ZMYM2: variants seen among roughly 807,000 people sequenced by gnomAD.
The protein encoded by ZMYM2 is zinc finger MYM-type protein 2.
In ZMYM2, 56 loss-of-function variants were observed where a neutral mutation model predicts 162.8. That is an observed-to-expected ratio of 0.34 (90% confidence interval 0.28 to 0.43). The LOEUF is 0.43. Among genes scored for constraint, ZMYM2 ranks in the 20% least tolerant of loss-of-function variants. The pLI, the probability that ZMYM2 is intolerant of heterozygous loss-of-function variation, is 1.00. For missense variants in ZMYM2, 1,275 were observed against 1,621.8 expected (o/e 0.79, Z 3.67); for synonymous variants, 510 against 541.6 (o/e 0.94, Z 0.81).
the ZMYM2 span, among the ~76,000 whole-genome samples, chr13:19,867,954 G>A: frequency 6.6e-6 from 1 of 152,200 alleles, no homozygotes; most frequent in Non-Finnish European, 1.5e-5. Flanking sequence ...AGACTGCTGA[G>A]ATGGCTTGCT....
the ZMYM2 span, among the ~76,000 whole-genome samples, chr13:19,901,629 G>A: frequency 1.9e-4 from 29 of 152,040 alleles, no homozygotes; most frequent in African/African-American, 6.7e-4. Context: ...GATTACAGGC[G>A]TGGTGCCTGG....
At chr13:20,052,982 T>G (rs1955498325) in intron 14 of ZMYM2, among the ~76,000 whole-genome samples, 1 of 152,210 alleles carries the variant, frequency 6.6e-6, no homozygotes, top group African/African-American at 2.4e-5. Flanking sequence ...TGTCCTGGAT[T>G]TTTTTTCCTC....
intron 21 of ZMYM2, among the ~76,000 whole-genome samples, chr13:20,075,082 A>G (rs1957391353): frequency 6.6e-6 from 1 of 152,218 alleles, no homozygotes; most frequent in Non-Finnish European, 1.5e-5. Context: ...CAGTGTAAAG[A>G]TAAGATAACT....
At chr13:19,887,447 C>T in the ZMYM2 span, among the ~76,000 whole-genome samples, 37 of 151,292 alleles carry the variant, frequency 2.4e-4, 1 homozygote, top group Middle Eastern at 3.4e-3. Flanking sequence ...GAGAATCATT[C>T]GAACCCAGGA....
the ZMYM2 span, among the ~76,000 whole-genome samples, chr13:19,889,340 C>G: frequency 6.6e-6 from 1 of 151,870 alleles, no homozygotes; most frequent in Admixed American, 6.6e-5. Context: ...TACTTTTAGA[C>G]AGAGTTTCGT....
chr13:20,069,265 T>C (rs1347620843), intron 21 of ZMYM2, among the ~76,000 whole-genome samples: 2 of 152,152 alleles, frequency 1.3e-5, no homozygotes, highest in East Asian at 1.9e-4. Flanking sequence ...ACTACATTGC[T>C]TGAAACCTTC....
chr13:20,009,900 A>G (rs919368225), intron 6 of ZMYM2, among the ~76,000 whole-genome samples: 2 of 152,190 alleles, frequency 1.3e-5, no homozygotes, highest in African/African-American at 2.4e-5. Flanking sequence ...TGATATAAGT[A>G]TCCTGGTTTT....
In ZMYM2 at chr13:20,087,651, T is replaced by C. The variant is rs1430688751; in HGVS notation, c.*1637T>C. 2 of 184,196 alleles carry C rather than the reference T, an allele frequency of 1.1e-5. No homozygotes were observed. The highest frequency in any genetic ancestry group is 6.2e-5 in the Admixed American group (1 of 16,032). The allele number at this position is 184,196 out of a possible 1,614,324, so 11.4% of individuals were successfully genotyped here. On this transcript the variant is annotated 3_prime_UTR_variant, in exon 25 of 25. Transcript: ENST00000610343. ...TTATTGTATATCTAAGCAATAATTA[T>C]CTGAATGTTTTGGCATAAAAAATTA...
chr13:20,010,938 C>A (rs1391915157), intron 6 of ZMYM2, among the ~76,000 whole-genome samples: 1 of 152,102 alleles, frequency 6.6e-6, no homozygotes, highest in Non-Finnish European at 1.5e-5. Flanking sequence ...TGCGCCTGGC[C>A]CTCTTTTATT....
rs1273191276 is a variant in ZMYM2 at position 20,086,465 on chromosome 13, A to G, written c.*451A>G. On this transcript the variant is annotated 3_prime_UTR_variant, in exon 25 of 25. Coordinates refer to ENST00000610343, the MANE Select transcript of ZMYM2 (RefSeq NM_197968.4). ...ACTTGCAGTGTCTTTCGGAATTTTT[A>G]AAATAAACTGTAAACTAATAGGCTG... 9.0e-6 allele frequency: 2 copies of G among 221,716 alleles called. No individual in the cohort carries two copies. Among genetic ancestry groups the G allele is most frequent in the Non-Finnish European group, 1.8e-5 (2 of 110,646 alleles). The allele number at this position is 221,716 out of a possible 1,614,324, so 13.7% of individuals were successfully genotyped here.
intron 6 of ZMYM2, among the ~76,000 whole-genome samples, chr13:20,012,496 G>C (rs760142893): frequency 2.0e-5 from 3 of 152,146 alleles, no homozygotes; most frequent in Non-Finnish European, 4.4e-5. Context: ...CTTAAATTTT[G>C]ATTTACCCAT....
At chr13:20,024,617 T>C (rs1266037634) in intron 7 of ZMYM2, 1 of 224,232 alleles carries the variant, frequency 4.5e-6, no homozygotes, top group African/African-American at 2.2e-5. Context: ...AAACATTTTA[T>C]ATTCTGTTTC....
intron 6 of ZMYM2, among the ~76,000 whole-genome samples, chr13:20,008,163 T>G (rs1406929103): frequency 6.6e-6 from 1 of 152,216 alleles, no homozygotes; most frequent in East Asian, 1.9e-4. Context: ...AGGGTCTTGC[T>G]CTGTTGCCCA....
intron 24 of ZMYM2, among the ~76,000 whole-genome samples, chr13:20,084,258 G>A (rs188344934): frequency 2.6e-5 from 4 of 152,154 alleles, no homozygotes; most frequent in African/African-American, 7.2e-5. Flanking sequence ...AGCCATCCTC[G>A]TGCCTCAGCC....
the ZMYM2 span, among the ~76,000 whole-genome samples, chr13:19,910,444 A>G: frequency 2.6e-5 from 4 of 152,136 alleles, no homozygotes; most frequent in African/African-American, 9.7e-5. Flanking sequence ...AAGCTTAGAA[A>G]GATTGGAATG....
At chr13:19,960,568 A>G (rs1194336752) in intron 2 of ZMYM2, among the ~76,000 whole-genome samples, 1 of 152,178 alleles carries the variant, frequency 6.6e-6, no homozygotes, top group Non-Finnish European at 1.5e-5. Flanking sequence ...CAACTCCTCT[A>G]GTACTATCTT....
chr13:20,017,345 G>T (rs1052362032), intron 6 of ZMYM2, among the ~76,000 whole-genome samples: 6 of 152,176 alleles, frequency 3.9e-5, no homozygotes, highest in Non-Finnish European at 8.8e-5. Flanking sequence ...TCTCTAGGCT[G>T]CTATTTCAAC....
At chr13:19,936,578 C>T in the ZMYM2 span, among the ~76,000 whole-genome samples, 9 of 151,850 alleles carry the variant, frequency 5.9e-5, no homozygotes, top group African/African-American at 1.7e-4. Flanking sequence ...AAAAATTAGC[C>T]GGGCCTGGTG....
In ZMYM2 at chr13:19,965,125, AG is replaced by A; in HGVS notation, c.-11+5100del. 18 of 597,454 alleles carry A rather than the reference AG, an allele frequency of 3.0e-5. No homozygotes were observed. The South Asian group carries it at 3.9e-4, about 13-fold the overall frequency. 37.0% of individuals were successfully genotyped at this position (597,454 alleles called of 1,614,324 possible). ...GAAAAATACTTACATAGCTATTCTA[AG>A]TAACATTGGGATGCACAGTTAGAAG... On this transcript the variant is annotated intron_variant, in intron 2 of 24. Transcript: ENST00000610343.
Sources: allele counts gnomAD v4.1 joint callset (sites outside exome capture counted in the v4.1 genomes callset), GRCh38; gene constraint gnomAD v4.1.1; transcripts MANE v1.5; gene names NCBI Gene and HGNC (gene_info 2026-07-23, HGNC 2026-07-21).